Variants in MLLT1 observed in about 807,000 individuals in gnomAD.
MLLT1 encodes protein ENL.
MLLT1 carries 11 observed loss-of-function variants against 55.1 expected under a neutral mutation model. The ratio of observed to expected loss-of-function variants is 0.20; its 90% CI spans 0.13 to 0.33. The LOEUF is 0.33. Among genes scored for constraint, MLLT1 ranks in the 10% least tolerant of loss-of-function variants. The pLI is 1.00. For missense variants in MLLT1, 536 were observed against 760.6 expected (o/e 0.70, Z 3.47); for synonymous variants, 323 against 320.1 (o/e 1.01, Z -0.10).
At position 6,227,631 on chromosome 19, in the gene MLLT1, G is replaced by A. The variant is rs1461901832; in HGVS notation, c.421-529C>T. On this transcript the variant is annotated intron_variant, in intron 4 of 11. Transcript: ENST00000252674. This position sits in a 1 kb window ranked among gnomAD's most constrained non-coding sequence, Gnocchi z 5.1. ...ACCCGAACAGGGCAAGAGCACCCAG[G>A]CTGAGGCCGAGACCAAGGCAGACGA... Among the ~76,000 whole-genome samples, 1 of 152,236 alleles carries A rather than the reference G, an allele frequency of 6.6e-6. No homozygotes were observed. The highest frequency in any genetic ancestry group is 3.2e-3 in the Middle Eastern group (1 of 316).
At chr19:6,269,050 T>TG (rs1448110545) in intron 2 of MLLT1, among the ~76,000 whole-genome samples, 1 of 151,820 alleles carries the variant, frequency 6.6e-6, no homozygotes, top group Admixed American at 6.6e-5. Flanking sequence ...GGTGAAGAAG[T>TG]GGAGTGGATG....
At chr19:6,246,520 G>A (rs541590893) in intron 3 of MLLT1, among the ~76,000 whole-genome samples, 2 of 152,296 alleles carry the variant, frequency 1.3e-5, no homozygotes, top group South Asian at 2.1e-4. Context: ...TTTGCTAAGT[G>A]AAAGAAACCA....
chr19:6,278,159 G>A (rs938092651), intron 1 of MLLT1, among the ~76,000 whole-genome samples: 23 of 152,196 alleles, frequency 1.5e-4, no homozygotes, highest in Non-Finnish European at 1.2e-4. Flanking sequence ...CCTCTCTAAC[G>A]GCGGAGATTT....
rs966928768 is a variant in MLLT1 at position 6,262,379 on chromosome 19, T to C, written c.194-69A>G. On this transcript the variant is annotated intron_variant, in intron 2 of 11. Coordinates refer to ENST00000252674, the MANE Select transcript of MLLT1 (RefSeq NM_005934.4). This position sits in a 1 kb window ranked among gnomAD's most constrained non-coding sequence, Gnocchi z 4.4. ...TTTCAGGCCCAGCTGCCAGCGGCAG[T>C]ACCGCACCCCTCAACCCCACCACCT... is the stretch of plus-strand genomic sequence containing the variant. 2 of 1,373,614 alleles carry C rather than the reference T, an allele frequency of 1.5e-6. No homozygotes were observed. Among genetic ancestry groups the C allele is most frequent in the South Asian group, 1.2e-5 (1 of 85,078 alleles). 85.1% of individuals were successfully genotyped at this position (1,373,614 alleles called of 1,614,324 possible).
chr19:6,256,497 G>A lies in MLLT1; in HGVS notation c.276+5731C>T, dbSNP rs1311292903. ...AGGCGGGGCACGGTGGCTCACGCCT[G>A]TAATCTCAGCACTTTGGGAGGCCGA... On this transcript the variant is annotated intron_variant, in intron 3 of 11. Transcript: ENST00000252674. This position sits in a 1 kb window ranked among gnomAD's most constrained non-coding sequence, Gnocchi z 4.1. Among the ~76,000 whole-genome samples, 2 of 151,994 alleles carry A rather than the reference G, an allele frequency of 1.3e-5. No individual in the cohort carries two copies. The highest frequency in any genetic ancestry group is 4.8e-5 in the African/African-American group (2 of 41,390).
At position 6,262,906 on chromosome 19, in the gene MLLT1, G is replaced by A. The variant is rs141915082; in HGVS notation, c.194-596C>T. On this transcript the variant is annotated intron_variant, in intron 2 of 11. Coordinates refer to ENST00000252674, the MANE Select transcript of MLLT1 (RefSeq NM_005934.4). This position sits in a 1 kb window ranked among gnomAD's most constrained non-coding sequence, Gnocchi z 4.4. ...GATTAAAAAAGAAAAAAAAAAGGCCGGACACGGTGGCTCACACCTGTAATC... is the reference window on the plus strand; with the variant it reads ...GATTAAAAAAGAAAAAAAAAAGGCCAGACACGGTGGCTCACACCTGTAATC... 1.0e-3 allele frequency among the ~76,000 whole-genome samples: 158 copies of A among 152,008 alleles called. No individual in the cohort carries two copies. Among genetic ancestry groups the A allele is most frequent in the Middle Eastern group, 3.4e-3 (1 of 294 alleles).
At chr19:6,213,293 G>A in intron 11 of MLLT1, 44 bp downstream of exon 11, 1 of 1,610,616 alleles carries the variant, frequency 6.2e-7, no homozygotes, top group South Asian at 1.1e-5. Flanking sequence ...ACTCCTCACA[G>A]GCACCCCGAC....
Position 6,240,502 on chromosome 19 carries a change from G to A in MLLT1, c.277-9789C>T, listed in dbSNP as rs1787927830. ...TGTGCTCAGCGTCCTCACCTGTGAA[G>A]TGGGAAAGGCAGAACCCACCCCATA... On this transcript the variant is annotated intron_variant, in intron 3 of 11. Coordinates refer to ENST00000252674, the MANE Select transcript of MLLT1 (RefSeq NM_005934.4). The surrounding 1 kb of genome is among the most constrained non-coding windows in gnomAD (Gnocchi z 4.7). 6.6e-6 allele frequency among the ~76,000 whole-genome samples: 1 copy of A among 152,266 alleles called. No homozygotes were observed.
intron 7 of MLLT1, chr19:6,216,883 C>T: frequency 4.5e-6 from 1 of 222,272 alleles, no homozygotes; most frequent in South Asian, 6.8e-5. Context: ...GGCGAGGGAG[C>T]CACAGCCTGG....
In MLLT1 at chr19:6,227,468, C is replaced by T. The variant is rs995502615; in HGVS notation, c.421-366G>A. ...CCTACGCGCTTAGGTTTAGGGGGAACAGCTCAGAAGTGTGAGAGGCCAGCC... is the reference window on the plus strand; with the variant it reads ...CCTACGCGCTTAGGTTTAGGGGGAATAGCTCAGAAGTGTGAGAGGCCAGCC... On this transcript the variant is annotated intron_variant, in intron 4 of 11. Transcript: ENST00000252674. This position sits in a 1 kb window ranked among gnomAD's most constrained non-coding sequence, Gnocchi z 5.1. Among the ~76,000 whole-genome samples the T allele has an allele frequency of 6.6e-6, 1 of 152,248 alleles. No individual in the cohort carries two copies. The highest frequency in any genetic ancestry group is 2.4e-5 in the African/African-American group (1 of 41,470).
rs1390995026 is a variant in MLLT1, at chr19:6,213,927, C to T, written c.1407+12G>A. 6.8e-7 allele frequency: 1 copy of T among 1,461,588 alleles called. No homozygotes were observed. 90.5% of individuals were successfully genotyped at this position (1,461,588 alleles called of 1,614,324 possible). Reference sequence around the variant, plus strand: ...CTCTGGTGCACCCCCTGCCTGCAGGCCCCAGGCTCACCTTGCTGTTGGGCG... The same window carrying T: ...CTCTGGTGCACCCCCTGCCTGCAGGTCCCAGGCTCACCTTGCTGTTGGGCG... On this transcript the variant is annotated intron_variant, in intron 9 of 11. Coordinates refer to ENST00000252674, the MANE Select transcript of MLLT1 (RefSeq NM_005934.4).
chr19:6,246,055 G>A (rs995650078), intron 3 of MLLT1, among the ~76,000 whole-genome samples: 3 of 151,542 alleles, frequency 2.0e-5, no homozygotes, highest in Non-Finnish European at 4.4e-5. Flanking sequence ...TCCAGCCTGG[G>A]CAATAAGAGC....
rs1356109036 is a variant in MLLT1, at chr19:6,210,546, T to C, written c.*2496A>G. On this transcript the variant is annotated 3_prime_UTR_variant, in exon 12 of 12. Transcript: ENST00000252674. The surrounding 1 kb of genome is among the most constrained non-coding windows in gnomAD (Gnocchi z 4.6). ...CAGGAGTTGGTCTCGGGCCGATGAG[T>C]GTCCTAGTTCCTAGTGAGACACGTT... 9.1e-6 allele frequency: 2 copies of C among 219,534 alleles called. No homozygotes were observed. 13.6% of individuals were successfully genotyped at this position (219,534 alleles called of 1,614,324 possible).
At chr19:6,239,801 C>A (rs1448037646) in intron 3 of MLLT1, among the ~76,000 whole-genome samples, 1 of 152,174 alleles carries the variant, frequency 6.6e-6, no homozygotes, top group Admixed American at 6.5e-5. Context: ...TACACATACA[C>A]ACTCACATGC....
intron 2 of MLLT1, among the ~76,000 whole-genome samples, chr19:6,264,656 G>A (rs779423307): frequency 2.6e-5 from 4 of 152,004 alleles, no homozygotes; most frequent in Non-Finnish European, 4.4e-5. Context: ...TGTAATCCTA[G>A]GCACTCTGGG....
chr19:6,270,896 G>A lies in MLLT1; in HGVS notation c.13-137C>T, dbSNP rs1457508654. ...TCAACCCAGTGAGCAGCACACAGAC[G>A]GCTTCCTATCGCGCCAGCACCTTGC... On this transcript the variant is annotated intron_variant, in intron 1 of 11. Coordinates refer to ENST00000252674, the MANE Select transcript of MLLT1 (RefSeq NM_005934.4). The surrounding 1 kb of genome is among the most constrained non-coding windows in gnomAD (Gnocchi z 7.1). 3 of 822,764 alleles carry A rather than the reference G, an allele frequency of 3.6e-6. No homozygotes were observed. The highest frequency in any genetic ancestry group is 3.1e-5 in the Admixed American group (1 of 31,952). 51.0% of individuals were successfully genotyped at this position (822,764 alleles called of 1,614,324 possible).
rs746126507 is a variant in MLLT1, at chr19:6,262,643, C to A, written c.194-333G>T. ...GGCCAGAGAAGGCTGCACAAGTTTG[C>A]CCGACTCAGGTGGATGTCGGTAAGC... On this transcript the variant is annotated intron_variant, in intron 2 of 11. Transcript: ENST00000252674. This position sits in a 1 kb window ranked among gnomAD's most constrained non-coding sequence, Gnocchi z 4.4. Among the ~76,000 whole-genome samples, 39 of 152,280 alleles carry A rather than the reference C, an allele frequency of 2.6e-4. No individual in the cohort carries two copies. The highest frequency in any genetic ancestry group is 5.1e-4 in the Non-Finnish European group (35 of 68,026).
At chr19:6,269,326 G>A (rs1050346242) in intron 2 of MLLT1, among the ~76,000 whole-genome samples, 24 of 152,366 alleles carry the variant, frequency 1.6e-4, no homozygotes, top group African/African-American at 4.6e-4. Context: ...GCGATCCTGC[G>A]CACGAAGCGC....
intron 3 of MLLT1, among the ~76,000 whole-genome samples, chr19:6,252,227 C>T (rs1032250252): frequency 6.6e-6 from 1 of 152,196 alleles, no homozygotes; most frequent in African/African-American, 2.4e-5. Context: ...GGCCTCACAC[C>T]CTCAGTACCA....
Sources: allele counts gnomAD v4.1 joint callset (sites outside exome capture counted in the v4.1 genomes callset), GRCh38; gene constraint gnomAD v4.1.1; non-coding constraint Gnocchi (gnomAD v3.1); transcripts MANE v1.5; gene names NCBI Gene and HGNC (gene_info 2026-07-23, HGNC 2026-07-21).